MESP1: variants seen among roughly 807,000 people sequenced by gnomAD.
MESP1 encodes mesoderm posterior bHLH transcription factor 1.
In MESP1, 22 loss-of-function variants were observed where a neutral mutation model predicts 15.2. That is an observed-to-expected ratio of 1.45 (90% CI 1.04 to 2.07). MESP1 has a LOEUF of 2.07. Ranked by LOEUF, MESP1 falls within the 30% of genes most tolerant of loss-of-function variation. The probability of loss-of-function intolerance (pLI) is 0.00; values close to 1 mark genes in which losing one functional copy is unlikely to be tolerated. For missense variants in MESP1, 484 were observed against 411.9 expected (o/e 1.17, Z -1.51); for synonymous variants, 216 against 192.6 (o/e 1.12, Z -1.01).
chr15:89,743,196 C>G, the MESP1 span: 1,310 of 1,225,190 alleles, frequency 1.1e-3, 11 homozygotes, highest in African/African-American at 0.018. Flanking sequence ...CTTAGAGTTT[C>G]TCATAGGAGC....
downstream of MESP1, chr15:89,748,665 T>C (rs979572065): frequency 6.6e-6 from 1 of 152,208 alleles, no homozygotes; most frequent in Non-Finnish European, 1.5e-5. Flanking sequence ...AAAGGCCGTA[T>C]TTTGCGATTC....
chr15:89,736,999 G>A, the MESP1 span, among the ~76,000 whole-genome samples: 98,984 of 151,918 alleles, frequency 0.65, 32,351 homozygotes, highest in East Asian at 0.71. Context: ...CACCGTGTTA[G>A]CCAGGATGGT....
In MESP1 at chr15:89,751,210, G is replaced by A; in HGVS notation, c.22C>T (p.Pro8Ser). MAQPLCPPLSESWMLSAA... is the reference protein window; with the variant it reads MAQPLCPSLSESWMLSAA... ...GAGAGCATCCAGGACTCGGAGAGCG[G>A]CGGGCACAGGGGCTGGGCCATGGCA... The change falls in exon 1 of 2, where the codon CCG becomes TCG. Residue 8 changes from proline to serine, a missense_variant. Pro to Ser is a moderately conservative substitution (Grantham distance 74, BLOSUM62 -1). Coordinates refer to ENST00000300057, the MANE Select transcript of MESP1 (RefSeq NM_018670.4). 8.0e-7 allele frequency: 1 copy of A among 1,250,922 alleles called. No homozygotes were observed. 77.5% of individuals were successfully genotyped at this position (1,250,922 alleles called of 1,614,324 possible). A position where few individuals can be genotyped will look rare whatever the true frequency, so the allele number is the denominator to read the frequency against.
At chr15:89,745,934 A>G (rs1166278236), downstream of MESP1, among the ~76,000 whole-genome samples, 2 of 91,396 alleles carry the variant, frequency 2.2e-5, no homozygotes, top group Non-Finnish European at 5.2e-5. This position sits in a 1 kb window ranked among gnomAD's most constrained non-coding sequence, Gnocchi z 4.8. Context: ...TCCTCCCAAC[A>G]GGATCCACAC....
the MESP1 span, chr15:89,733,370 C>A: frequency 1.4e-6 from 1 of 711,172 alleles, no homozygotes; most frequent in Non-Finnish European, 2.3e-6. Flanking sequence ...ACCAATGTCA[C>A]ATATATGTTA....
chr15:89,746,758 T>C (rs1160259108), downstream of MESP1, among the ~76,000 whole-genome samples: 15 of 19,928 alleles, frequency 7.5e-4, no homozygotes, highest in Admixed American at 1.1e-3. Flanking sequence ...CAGCCCTACC[T>C]CCCCACACAT....
At chr15:89,732,916 C>A in the MESP1 span, 1 of 1,219,992 alleles carries the variant, frequency 8.2e-7, no homozygotes, top group Non-Finnish European at 1.2e-6. Flanking sequence ...TCCTACAAGT[C>A]CCTCACACAC....
At chr15:89,736,328 C>G in the MESP1 span, among the ~76,000 whole-genome samples, 1 of 152,232 alleles carries the variant, frequency 6.6e-6, no homozygotes, top group African/African-American at 2.4e-5. Flanking sequence ...CCTGGTGTGG[C>G]CCTACGGAGG....
At chr15:89,748,070 C>G (rs1968005874), downstream of MESP1, among the ~76,000 whole-genome samples, 1 of 152,242 alleles carries the variant, frequency 6.6e-6, no homozygotes, top group African/African-American at 2.4e-5. Flanking sequence ...CACTCCCAGG[C>G]TCAGAGGCGG....
At chr15:89,737,917 A>G in the MESP1 span, 1 of 1,334,570 alleles carries the variant, frequency 7.5e-7, no homozygotes, top group Non-Finnish European at 1.0e-6. Flanking sequence ...CTCTGAAGTC[A>G]CAGCTCAACC....
chr15:89,735,381 C>T, the MESP1 span: 1 of 1,144,242 alleles, frequency 8.7e-7, no homozygotes, highest in East Asian at 2.4e-5. Context: ...AGCCTCCTCA[C>T]ATATTTCTTG....
At chr15:89,749,666 C>G (rs1968041754), downstream of MESP1, 1 of 157,654 alleles carries the variant, frequency 6.3e-6, no homozygotes, top group South Asian at 1.9e-4. Flanking sequence ...TTGCCGCTGC[C>G]TTCTCACAGG....
the MESP1 span, chr15:89,737,441 C>A: frequency 1.6e-6 from 2 of 1,241,434 alleles, no homozygotes; most frequent in Non-Finnish European, 2.3e-6. Flanking sequence ...CTGGATGGAT[C>A]CAGAGGCTGG....
chr15:89,735,480 T>C, the MESP1 span: 4 of 1,613,712 alleles, frequency 2.5e-6, no homozygotes, highest in Non-Finnish European at 2.5e-6. Flanking sequence ...GTATATTTTC[T>C]GTCCTATAGG....
chr15:89,736,846 C>T, the MESP1 span, among the ~76,000 whole-genome samples: 26 of 149,180 alleles, frequency 1.7e-4, no homozygotes, highest in Admixed American at 4.7e-4. Context: ...GGCTGGAGTG[C>T]AGTGGTGCAA....
intron 1 of MESP1, 29 bp downstream of exon 1, chr15:89,750,480 G>A (rs1968064091): frequency 2.0e-6 from 3 of 1,485,818 alleles, no homozygotes; most frequent in African/African-American, 2.8e-5. Flanking sequence ...GGGCACGGAC[G>A]AAGGGGGCGC....
downstream of MESP1, among the ~76,000 whole-genome samples, chr15:89,748,092 T>C (rs1204855520): frequency 6.6e-6 from 1 of 152,202 alleles, no homozygotes; most frequent in Non-Finnish European, 1.5e-5. Context: ...GGAGAAGCCC[T>C]CTGCAGGGAA....
the MESP1 span, chr15:89,738,083 T>A: frequency 6.2e-7 from 1 of 1,613,588 alleles, no homozygotes; most frequent in African/African-American, 1.3e-5. Context: ...GATGCTGGAA[T>A]CCAATATTCT....
chr15:89,746,780 C>T (rs1243530124), downstream of MESP1, among the ~76,000 whole-genome samples: 1 of 143,366 alleles, frequency 7.0e-6, no homozygotes, highest in Non-Finnish European at 1.5e-5. Context: ...TACACACAGC[C>T]CTACCTCCCC....
Sources: allele counts gnomAD v4.1 joint callset (sites outside exome capture counted in the v4.1 genomes callset), GRCh38; gene constraint gnomAD v4.1.1; non-coding constraint Gnocchi (gnomAD v3.1); transcripts MANE v1.5; gene names NCBI Gene and HGNC (gene_info 2026-07-23, HGNC 2026-07-21).